Variants in GULP1 observed in about 807,000 individuals in gnomAD.
GULP1 encodes GULP PTB domain containing engulfment adaptor 1, also known as PTB domain-containing engulfment adapter protein 1.
Under a neutral mutation model 40.9 loss-of-function variants are expected in GULP1, and 19 were observed. The ratio of observed to expected loss-of-function variants is 0.46; its 90% confidence interval spans 0.32 to 0.68. The LOEUF is 0.68. GULP1 is among the 30% of genes least tolerant of loss of function. The pLI, the probability that GULP1 is intolerant of heterozygous loss-of-function variation, is 0.03. For missense variants in GULP1, 312 were observed against 362.2 expected (o/e 0.86, Z 1.12); for synonymous variants, 119 against 117.6 (o/e 1.01, Z -0.08).
intron 4 of GULP1, among the ~76,000 whole-genome samples, chr2:188,499,169 ATG>A (rs1245780316): frequency 4.9e-5 from 7 of 142,492 alleles, no homozygotes; most frequent in Middle Eastern, 3.8e-3. Flanking sequence ...ATATATATAT[ATG>A]AACTCTGCAT....
chr2:188,509,202 C>G (rs1457436006), intron 4 of GULP1, among the ~76,000 whole-genome samples: 1 of 152,060 alleles, frequency 6.6e-6, no homozygotes, highest in African/African-American at 2.4e-5. Context: ...AGCCTGCTCT[C>G]CCTAGTGGCT....
In GULP1 at chr2:188,307,346, T is replaced by A. The variant is rs148322254; in HGVS notation, c.-172+15180T>A. On this transcript the variant is annotated intron_variant, in intron 1 of 11. Coordinates refer to ENST00000409830, the MANE Select transcript of GULP1 (RefSeq NM_016315.4). ...CAAAATTAATTTCTGTTTTGACATA[T>A]CTGCATTAAAAAGTTATATGTTTTC... Among the ~76,000 whole-genome samples the A allele has an allele frequency of 3.3e-5, 5 of 152,220 alleles. No homozygotes were observed. The South Asian group carries it at 1.0e-3, about 32-fold the overall frequency.
intron 2 of GULP1, among the ~76,000 whole-genome samples, chr2:188,388,344 CAT>C (rs2050058523): frequency 7.5e-6 from 1 of 132,468 alleles, no homozygotes; most frequent in Admixed American, 8.3e-5. Flanking sequence ...TCCTGGAAAA[CAT>C]AGTGAGAGCC....
intron 1 of GULP1, among the ~76,000 whole-genome samples, chr2:188,335,120 T>G (rs73036471): frequency 0.067 from 10,229 of 152,292 alleles, 1,159 homozygotes; most frequent in African/African-American, 0.23. Flanking sequence ...TGTATATTTT[T>G]GATATATCAT....
intron 2 of GULP1, among the ~76,000 whole-genome samples, chr2:188,430,954 C>T (rs996789160): frequency 1.3e-5 from 2 of 152,198 alleles, no homozygotes; most frequent in Admixed American, 1.3e-4. Flanking sequence ...AGTCTACTAG[C>T]ATTAAAGTAT....
At chr2:188,491,984 A>C (rs949913088) in intron 4 of GULP1, among the ~76,000 whole-genome samples, 2 of 152,030 alleles carry the variant, frequency 1.3e-5, no homozygotes, top group African/African-American at 2.4e-5. Context: ...GCTAGAACTA[A>C]GTGGTTTATT....
At chr2:188,557,065 C>T (rs1326118601) in intron 7 of GULP1, among the ~76,000 whole-genome samples, 2 of 151,946 alleles carry the variant, frequency 1.3e-5, no homozygotes, top group Admixed American at 6.6e-5. Flanking sequence ...ATGTTCCAAT[C>T]ACCTACCACC....
At chr2:188,489,862 A>T (rs1355168547) in intron 4 of GULP1, among the ~76,000 whole-genome samples, 1 of 152,102 alleles carries the variant, frequency 6.6e-6, no homozygotes, top group Non-Finnish European at 1.5e-5. Flanking sequence ...ATTAATAGCT[A>T]GTATGTGCTT....
At chr2:188,364,943 C>T (rs113291533) in intron 1 of GULP1, among the ~76,000 whole-genome samples, 5 of 150,408 alleles carry the variant, frequency 3.3e-5, no homozygotes, top group African/African-American at 9.7e-5. Flanking sequence ...TATATATATA[C>T]ACACACACAC....
At chr2:188,558,749 G>T (rs887376280) in intron 7 of GULP1, among the ~76,000 whole-genome samples, 3 of 152,172 alleles carry the variant, frequency 2.0e-5, no homozygotes, top group African/African-American at 7.2e-5. Flanking sequence ...ATGGAGATGA[G>T]GAACTTATTG....
intron 1 of GULP1, among the ~76,000 whole-genome samples, chr2:188,353,313 A>G (rs2044765969): frequency 6.6e-6 from 1 of 152,164 alleles, no homozygotes; most frequent in Non-Finnish European, 1.5e-5. Context: ...GTTTATCCTC[A>G]CAACAGGTTA....
chr2:188,485,536 C>A (rs1417490647), intron 4 of GULP1, among the ~76,000 whole-genome samples: 1 of 151,738 alleles, frequency 6.6e-6, no homozygotes, highest in Non-Finnish European at 1.5e-5. Flanking sequence ...TTTAAGATAT[C>A]CTGTATCTCT....
intron 1 of GULP1, among the ~76,000 whole-genome samples, chr2:188,367,347 T>C (rs2046947422): frequency 6.6e-6 from 1 of 152,102 alleles, no homozygotes; most frequent in Non-Finnish European, 1.5e-5. Flanking sequence ...AGTTGCGTTC[T>C]AGTGAGTAAA....
At chr2:188,316,343 G>C (rs960688943) in intron 1 of GULP1, among the ~76,000 whole-genome samples, 1 of 152,042 alleles carries the variant, frequency 6.6e-6, no homozygotes, top group South Asian at 2.1e-4. Flanking sequence ...TTGTCTACTA[G>C]GTTGTTTGCT....
At chr2:188,433,334 A>G (rs923420340) in intron 2 of GULP1, among the ~76,000 whole-genome samples, 1 of 152,160 alleles carries the variant, frequency 6.6e-6, no homozygotes, top group African/African-American at 2.4e-5. Flanking sequence ...ATTTCAGTGT[A>G]GTGGAACTGA....
intron 1 of GULP1, among the ~76,000 whole-genome samples, chr2:188,333,739 T>C (rs1456202997): frequency 6.6e-6 from 1 of 152,196 alleles, no homozygotes; most frequent in African/African-American, 2.4e-5. Context: ...ATGACAATAC[T>C]ACCACTCTGA....
intron 7 of GULP1, among the ~76,000 whole-genome samples, chr2:188,567,707 G>A (rs1469902741): frequency 3.9e-5 from 6 of 152,062 alleles, no homozygotes; most frequent in Admixed American, 1.3e-4. Context: ...CATGGCACAC[G>A]TATACTGTAT....
At chr2:188,349,785 A>T (rs542282294) in intron 1 of GULP1, among the ~76,000 whole-genome samples, 1 of 152,236 alleles carries the variant, frequency 6.6e-6, no homozygotes, top group South Asian at 2.1e-4. Flanking sequence ...CTATTGCCTA[A>T]ATCAAGATCA....
chr2:188,383,154 A>G (rs761793625), intron 1 of GULP1, among the ~76,000 whole-genome samples: 17 of 152,212 alleles, frequency 1.1e-4, no homozygotes, highest in Non-Finnish European at 1.9e-4. Flanking sequence ...TCGAAATAAT[A>G]TAATTAAAGG....
Sources: allele counts gnomAD v4.1 joint callset (sites outside exome capture counted in the v4.1 genomes callset), GRCh38; gene constraint gnomAD v4.1.1; transcripts MANE v1.5; gene names NCBI Gene and HGNC (gene_info 2026-07-23, HGNC 2026-07-21).